EYA1: variants seen among roughly 807,000 people sequenced by gnomAD.
EYA1 encodes EYA transcriptional coactivator and phosphatase 1, also known as protein phosphatase EYA1.
Under a neutral mutation model 82.0 loss-of-function variants are expected in EYA1, and 16 were observed. The ratio of observed to expected loss-of-function variants is 0.20; its 90% CI spans 0.13 to 0.30. EYA1 has a LOEUF of 0.30. Ranked by LOEUF, EYA1 falls within the 10% of genes least tolerant of loss-of-function variation. The probability of loss-of-function intolerance (pLI) is 1.00; values close to 1 mark genes in which losing one functional copy is unlikely to be tolerated. For synonymous variants in EYA1, 261 were observed against 264.4 expected, an observed-to-expected ratio of 0.99 and a Z score of 0.12; for missense variants, 633 against 730.7, an observed-to-expected ratio of 0.87 and a Z score of 1.54.
chr8:71,429,924 C>T (rs1238322574), intron 2 of EYA1, among the ~76,000 whole-genome samples: 1 of 152,122 alleles, frequency 6.6e-6, no homozygotes, highest in African/African-American at 2.4e-5. Context: ...ATTATGAATA[C>T]AGTCAAGTCC....
At chr8:71,279,875 C>T (rs7011671) in intron 9 of EYA1, among the ~76,000 whole-genome samples, 69,136 of 151,774 alleles carry the variant, frequency 0.46, 15,912 homozygotes, top group South Asian at 0.53. Context: ...GTTCCTATAC[C>T]CTAGAGCAAG....
intron 11 of EYA1, among the ~76,000 whole-genome samples, chr8:71,255,086 G>T (rs959243226): frequency 5.3e-5 from 8 of 152,086 alleles, no homozygotes; most frequent in African/African-American, 1.9e-4. Context: ...AAAAATTATT[G>T]CTAAAAACAT....
At chr8:71,276,678 G>A (rs918133196) in intron 9 of EYA1, among the ~76,000 whole-genome samples, 2 of 151,970 alleles carry the variant, frequency 1.3e-5, no homozygotes, top group East Asian at 1.9e-4. Flanking sequence ...CGATAGGCTC[G>A]TCTTCCACCT....
intron 2 of EYA1, among the ~76,000 whole-genome samples, chr8:71,434,480 C>G (rs560368980): frequency 6.6e-6 from 1 of 152,100 alleles, no homozygotes; most frequent in Non-Finnish European, 1.5e-5. Flanking sequence ...ACTCCAAAAA[C>G]CTATTGACAT....
intron 9 of EYA1, among the ~76,000 whole-genome samples, chr8:71,298,491 A>G (rs948377480): frequency 1.3e-5 from 2 of 152,216 alleles, no homozygotes; most frequent in African/African-American, 4.8e-5. Flanking sequence ...AGATTTCCAC[A>G]TGGAGAGGCT....
intron 2 of EYA1, among the ~76,000 whole-genome samples, chr8:71,515,918 A>G (rs1812941312): frequency 6.6e-6 from 1 of 152,226 alleles, no homozygotes; most frequent in African/African-American, 2.4e-5. Context: ...CACATAAAAT[A>G]TAAAACCTAT....
At chr8:71,250,512 CTG>C (rs907270408) in intron 11 of EYA1, among the ~76,000 whole-genome samples, 1 of 152,242 alleles carries the variant, frequency 6.6e-6, no homozygotes, top group Non-Finnish European at 1.5e-5. Flanking sequence ...GGTTTAATCC[CTG>C]TATCTTCCTC....
At chr8:71,327,968 G>C (rs777913059) in intron 4 of EYA1, among the ~76,000 whole-genome samples, 12 of 148,134 alleles carry the variant, frequency 8.1e-5, no homozygotes, top group Non-Finnish European at 1.5e-4. Flanking sequence ...CGATTCTCCT[G>C]CCTCAGCCTC....
intron 3 of EYA1, among the ~76,000 whole-genome samples, chr8:71,349,184 A>G (rs1015499960): frequency 6.6e-6 from 1 of 152,190 alleles, no homozygotes; most frequent in African/African-American, 2.4e-5. Context: ...AAGGACTCTC[A>G]CACACTCACG....
chr8:71,405,382 G>A (rs1273587229), intron 2 of EYA1, among the ~76,000 whole-genome samples: 1 of 152,112 alleles, frequency 6.6e-6, no homozygotes, highest in African/African-American at 2.4e-5. Flanking sequence ...ACAGAATGTG[G>A]GTCAATCAGA....
intron 2 of EYA1, among the ~76,000 whole-genome samples, chr8:71,369,111 G>A (rs957287116): frequency 6.7e-6 from 1 of 149,714 alleles, no homozygotes; most frequent in African/African-American, 2.5e-5. Flanking sequence ...GCTGAGGCAG[G>A]AGAATTGCTT....
At chr8:71,292,402 T>C (rs750523096) in intron 9 of EYA1, among the ~76,000 whole-genome samples, 5 of 152,144 alleles carry the variant, frequency 3.3e-5, no homozygotes, top group African/African-American at 4.8e-5. Flanking sequence ...TAATTTATTA[T>C]TTAAAGTAAT....
intron 1 of EYA1, among the ~76,000 whole-genome samples, chr8:71,359,054 ATCAAG>A (rs1255044853): frequency 4.6e-5 from 7 of 152,112 alleles, no homozygotes; most frequent in Non-Finnish European, 5.9e-5. Context: ...TTATATTACA[ATCAAG>A]TCATTTCACT....
At chr8:71,274,323 T>C (rs1043296488) in intron 9 of EYA1, among the ~76,000 whole-genome samples, 5 of 152,210 alleles carry the variant, frequency 3.3e-5, no homozygotes. Flanking sequence ...TGAGGTGGAA[T>C]TAAATGCTTC....
At chr8:71,283,745 C>A (rs1192687175) in intron 9 of EYA1, among the ~76,000 whole-genome samples, 1 of 152,140 alleles carries the variant, frequency 6.6e-6, no homozygotes, top group Non-Finnish European at 1.5e-5. Flanking sequence ...ATCCTCTGGT[C>A]TCAACTGATT....
chr8:71,477,481 A>T (rs760884240), intron 2 of EYA1, among the ~76,000 whole-genome samples: 20 of 152,044 alleles, frequency 1.3e-4, no homozygotes, highest in Non-Finnish European at 2.9e-4. Context: ...ATTAGTCACT[A>T]GGGAAATGAA....
chr8:71,423,083 C>T (rs1831232669), intron 2 of EYA1, among the ~76,000 whole-genome samples: 1 of 152,044 alleles, frequency 6.6e-6, no homozygotes, highest in Non-Finnish European at 1.5e-5. Flanking sequence ...AAGTATGTGG[C>T]TTTTTCCCTC....
chr8:71,479,102 C>G (rs1486746680), intron 2 of EYA1, among the ~76,000 whole-genome samples: 1 of 152,118 alleles, frequency 6.6e-6, no homozygotes, highest in East Asian at 1.9e-4. Flanking sequence ...CACACCACAC[C>G]CTTTACCTCT....
chr8:71,543,760 G>A (rs1423069469), intron 1 of EYA1, among the ~76,000 whole-genome samples: 1 of 152,188 alleles, frequency 6.6e-6, no homozygotes, highest in African/African-American at 2.4e-5. Context: ...TTTAAGAGAT[G>A]AGGATTAGGA....
Sources: gnomAD v4.1 joint callset for allele counts (sites outside exome capture counted in the v4.1 genomes callset) on GRCh38, gnomAD v4.1.1 for gene constraint, MANE v1.5 for transcripts, NCBI Gene and HGNC (gene_info 2026-07-23, HGNC 2026-07-21) for gene names.